The following SUN1 variants were observed in gnomAD, a reference collection of about 807,000 sequenced individuals.
The protein encoded by SUN1 is Sad1 and UNC84 domain containing 1.
Under a neutral mutation model 103.2 loss-of-function variants are expected in SUN1, and 61 were observed. The ratio of observed to expected loss-of-function variants is 0.59; its 90% CI spans 0.48 to 0.73. The LOEUF is 0.73. Among genes scored for constraint, SUN1 ranks in the 30% least tolerant of loss-of-function variants. The probability of loss-of-function intolerance (pLI) is 0.00; values close to 1 mark genes in which losing one functional copy is unlikely to be tolerated. For missense variants in SUN1, 1,052 were observed against 1,034.6 expected, an observed-to-expected ratio of 1.02 and a Z score of -0.23; for synonymous variants, 490 against 425.7, an observed-to-expected ratio of 1.15 and a Z score of -1.86.
At chr7:817,889 TTTC>T (rs1315375099) in intron 1 of SUN1, among the ~76,000 whole-genome samples, 14 of 152,186 alleles carry the variant, frequency 9.2e-5, no homozygotes, top group African/African-American at 3.4e-4. Context: ...GCTTTATAAT[TTTC>T]TTGTCTTTCT....
chr7:852,443 A>G (rs1015918949), intron 7 of SUN1, 166 bp from the exon 8 acceptor site: 34 of 752,276 alleles, frequency 4.5e-5, no homozygotes, highest in African/African-American at 3.7e-4. Context: ...ACCATTTTAC[A>G]TGAAGGTTCT....
chr7:851,706 C>T, intron 6 of SUN1: 1 of 628,814 alleles, frequency 1.6e-6, no homozygotes, highest in Non-Finnish European at 2.8e-6. Flanking sequence ...AGTCCGGCTG[C>T]CTGAATGCCC....
chr7:869,935 T>TG (rs1369050192), intron 17 of SUN1, among the ~76,000 whole-genome samples: 1 of 151,324 alleles, frequency 6.6e-6, no homozygotes, highest in Non-Finnish European at 1.5e-5. Flanking sequence ...CAGTTGAGCC[T>TG]GGAATCCCAG....
At chr7:868,206 C>T (rs1838617239) in intron 16 of SUN1, among the ~76,000 whole-genome samples, 1 of 152,252 alleles carries the variant, frequency 6.6e-6, no homozygotes, top group Non-Finnish European at 1.5e-5. Context: ...GCACGGTCTC[C>T]TCCTCCGTTG....
At position 859,995 on chromosome 7, in the gene SUN1, A is replaced by G. The variant is rs555073402; in HGVS notation, c.1525-133A>G. On this transcript the variant is annotated intron_variant, in intron 13 of 18. Transcript: ENST00000401592. ...GGGTTATTAAATTTAATATGAAGGA[A>G]AACACTGTCACAATGACATTCTAGA... is the stretch of plus-strand genomic sequence containing the variant. 2.4e-5 allele frequency: 29 copies of G among 1,206,350 alleles called. No individual in the cohort carries two copies. In the East Asian group the frequency reaches 7.2e-4, roughly 30 times the overall value. 74.7% of individuals were successfully genotyped at this position (1,206,350 alleles called of 1,614,324 possible).
upstream of SUN1, among the ~76,000 whole-genome samples, chr7:829,318 T>G (rs1795723188): frequency 6.6e-6 from 1 of 152,186 alleles, no homozygotes; most frequent in Non-Finnish European, 1.5e-5. Context: ...TAATGGAGAC[T>G]GGGAATGGTG....
intron 3 of SUN1, 64 bp downstream of exon 3, chr7:842,194 G>C (rs1460757281): frequency 4.5e-6 from 7 of 1,557,538 alleles, no homozygotes; most frequent in Middle Eastern, 1.8e-4. Flanking sequence ...ATTATGCTGG[G>C]GAGAGGGGAG....
intron 16 of SUN1, among the ~76,000 whole-genome samples, chr7:867,199 C>G (rs976257086): frequency 6.6e-6 from 1 of 152,250 alleles, no homozygotes; most frequent in African/African-American, 2.4e-5. Flanking sequence ...CAGCACCGCA[C>G]GGGCTCACCA....
intron 15 of SUN1, among the ~76,000 whole-genome samples, chr7:862,411 CT>C (rs1228247027): frequency 1.3e-5 from 2 of 152,184 alleles, no homozygotes; most frequent in Non-Finnish European, 2.9e-5. Context: ...TTGCCACCCT[CT>C]GAGTTCTTTC....
chr7:821,988 C>A (rs563879009), intron 1 of SUN1, among the ~76,000 whole-genome samples: 1 of 152,174 alleles, frequency 6.6e-6, no homozygotes, highest in Non-Finnish European at 1.5e-5. Context: ...AGCCTGCCCT[C>A]GTTTTCTTCT....
Position 853,560 on chromosome 7 carries a change from G to A in SUN1, c.1205G>A (p.Gly402Asp), listed in dbSNP as rs1554263579. 1 of 1,611,714 alleles carries A rather than the reference G, an allele frequency of 6.2e-7. No individual in the cohort carries two copies. The highest frequency in any genetic ancestry group is 8.5e-7 in the Non-Finnish European group (1 of 1,180,020). ...KLQARVDQMEGGAAGPSASVR... is the reference protein window; with the variant it reads ...KLQARVDQMEDGAAGPSASVR... ...CAGGCTCGGGTGGACCAGATGGAAG[G>A]CGGCGCTGCCGGGCCGTCAGCTTCG... is the stretch of plus-strand genomic sequence containing the variant. Residue 402 changes from glycine to aspartate, a missense_variant, in exon 10 of 19, where the codon GGC becomes GAC. By Grantham distance (94) the Gly-to-Asp change is moderately conservative (BLOSUM62 -1). Transcript: ENST00000401592.
chr7:862,329 G>A (rs1407608233), intron 15 of SUN1, among the ~76,000 whole-genome samples: 2 of 152,136 alleles, frequency 1.3e-5, no homozygotes, highest in African/African-American at 4.8e-5. Flanking sequence ...GGCTGGGTAG[G>A]GACTCTGCCA....
Position 866,063 on chromosome 7 carries a change from T to C in SUN1, c.1976T>C (p.Ile659Thr), listed in dbSNP as rs1315993891. Residue 659 changes from isoleucine (I) to threonine (T), a missense_variant, in exon 16 of 19, where the codon ATC becomes ACC. Ile to Thr is a moderately conservative substitution (Grantham distance 89). Coordinates refer to ENST00000401592, the MANE Select transcript of SUN1 (RefSeq NM_001130965.3). ...TTCTCGCAGTCCCCGCGCGTGGTCA[T>C]CCAGGTGAGTGGCCGCCGGTGGCCG... ...WYFSQSPRVV[I>T]QPDIYPGNCW... 9 of 1,613,914 alleles carry C rather than the reference T, an allele frequency of 5.6e-6. No homozygotes were observed. The highest frequency in any genetic ancestry group is 1.3e-5 in the African/African-American group (1 of 74,916).
chr7:866,143 A>G, intron 16 of SUN1, 76 bp downstream of exon 16: 1 of 1,259,004 alleles, frequency 7.9e-7, no homozygotes, highest in Non-Finnish European at 1.2e-6. Context: ...GTAGGTCCAC[A>G]GCTCCATGGA....
chr7:865,257 G>A (rs781035897), intron 15 of SUN1, among the ~76,000 whole-genome samples: 4 of 151,990 alleles, frequency 2.6e-5, no homozygotes, highest in African/African-American at 7.3e-5. Context: ...ACAGGTGCCC[G>A]CCACCATGCC....
chr7:863,029 C>G (rs934723715), intron 15 of SUN1, among the ~76,000 whole-genome samples: 1 of 152,132 alleles, frequency 6.6e-6, no homozygotes, highest in African/African-American at 2.4e-5. Flanking sequence ...GTAGTCCCAG[C>G]TACTTGGGAG....
chr7:826,291 C>CGTTTGACAACCCCGGTCTGGGGTG (rs146695900), intron 1 of SUN1, among the ~76,000 whole-genome samples: 116,973 of 151,286 alleles, frequency 0.77, 45,326 homozygotes, highest in Admixed American at 0.83. Flanking sequence ...GGCTAGCTGC[C>CGTTTGACAACCCCGGTCTGGGGTG]GTTTGACAAC....
intron 14 of SUN1, among the ~76,000 whole-genome samples, chr7:860,708 G>A (rs766803647): frequency 2.6e-5 from 4 of 152,214 alleles, no homozygotes; most frequent in Admixed American, 6.5e-5. Flanking sequence ...AAGTCTCTCC[G>A]TGTATTAGTC....
chr7:872,685 C>T, intron 18 of SUN1, 123 bp downstream of exon 18: 1 of 722,416 alleles, frequency 1.4e-6, no homozygotes, highest in South Asian at 1.8e-5. Flanking sequence ...AAAATGTTAA[C>T]CTGCGCTTCC....
Sources: allele counts gnomAD v4.1 joint callset (sites outside exome capture counted in the v4.1 genomes callset), GRCh38; gene constraint gnomAD v4.1.1; transcripts MANE v1.5; gene names NCBI Gene and HGNC (gene_info 2026-07-23, HGNC 2026-07-21).